The following LARGE1 variants were observed in gnomAD, a reference collection of about 807,000 sequenced individuals.
The protein encoded by LARGE1 is xylosyl- and glucuronyltransferase LARGE1.
A neutral mutation model predicts 87.6 loss-of-function variants in LARGE1; 43 were observed. That is an observed-to-expected ratio of 0.49 (90% CI 0.38 to 0.63). LARGE1 has a LOEUF of 0.63. Among genes scored for constraint, LARGE1 ranks in the 30% least tolerant of loss-of-function variants. The pLI, the probability that LARGE1 is intolerant of heterozygous loss-of-function variation, is 0.00. For synonymous variants in LARGE1, 434 were observed against 394.6 expected (o/e 1.10, Z -1.18); for missense variants, 802 against 1,000.2 (o/e 0.80, Z 2.67).
intron 6 of LARGE1, among the ~76,000 whole-genome samples, chr22:33,476,290 G>A (rs968527672): frequency 2.6e-5 from 4 of 152,272 alleles, no homozygotes; most frequent in Admixed American, 1.3e-4. Flanking sequence ...CCAGACTAAG[G>A]CAAAAGTGAC....
chr22:33,156,107 TG>T, the LARGE1 span, among the ~76,000 whole-genome samples: 1 of 152,198 alleles, frequency 6.6e-6, no homozygotes, highest in South Asian at 2.1e-4. Context: ...GCTGCAGGGG[TG>T]GGGTCCTCAT....
chr22:33,554,722 G>A (rs2077626507), intron 6 of LARGE1, among the ~76,000 whole-genome samples: 1 of 152,146 alleles, frequency 6.6e-6, no homozygotes, highest in Non-Finnish European at 1.5e-5. Context: ...ATCAGCCAAA[G>A]GGATCTTTTC....
At chr22:33,140,415 G>A in the LARGE1 span, among the ~76,000 whole-genome samples, 1 of 152,316 alleles carries the variant, frequency 6.6e-6, no homozygotes, top group South Asian at 2.1e-4. Context: ...TTAATATTGA[G>A]TGTCAACTTG....
At chr22:33,130,192 T>G in the LARGE1 span, among the ~76,000 whole-genome samples, 2 of 151,112 alleles carry the variant, frequency 1.3e-5, no homozygotes, top group South Asian at 4.2e-4. Flanking sequence ...TGGGCGCCTG[T>G]AGTCCCAGCT....
chr22:33,469,735 GGGGAA>G (rs2068752496), intron 6 of LARGE1, among the ~76,000 whole-genome samples: 1 of 151,668 alleles, frequency 6.6e-6, no homozygotes, highest in African/African-American at 2.4e-5. Context: ...GGCTAAGGCA[GGGGAA>G]TTGCTTGAGC....
chr22:33,195,060 G>A (rs1192104996), intron 11 of LARGE1, among the ~76,000 whole-genome samples: 1 of 152,144 alleles, frequency 6.6e-6, no homozygotes, highest in Non-Finnish European at 1.5e-5. Flanking sequence ...TTTAAAATCT[G>A]TGTTCAAGCA....
chr22:33,074,558 C>T, the LARGE1 span, among the ~76,000 whole-genome samples: 1 of 152,094 alleles, frequency 6.6e-6, no homozygotes, highest in Admixed American at 6.5e-5. Flanking sequence ...GCCTGTAGTC[C>T]CAGCTACTCA....
intron 9 of LARGE1, among the ~76,000 whole-genome samples, chr22:33,356,200 A>G (rs74594737): frequency 0.014 from 2,162 of 152,316 alleles, 40 homozygotes; most frequent in African/African-American, 0.047. Context: ...TTTATCAGCT[A>G]TGTGTAAAAA....
chr22:33,226,360 A>C (rs1925732999), intron 11 of LARGE1, among the ~76,000 whole-genome samples: 1 of 152,210 alleles, frequency 6.6e-6, no homozygotes, highest in Admixed American at 6.5e-5. Context: ...CCCAATACAC[A>C]GCAAACACAA....
chr22:33,103,682 C>T, the LARGE1 span, among the ~76,000 whole-genome samples: 1 of 152,100 alleles, frequency 6.6e-6, no homozygotes, highest in Non-Finnish European at 1.5e-5. Context: ...GGACCTCAGT[C>T]CTACAACCTC....
At chr22:33,148,450 G>A in the LARGE1 span, among the ~76,000 whole-genome samples, 2 of 152,106 alleles carry the variant, frequency 1.3e-5, no homozygotes, top group African/African-American at 4.8e-5. Context: ...GCATGAATAT[G>A]CCACAGTTTG....
rs577505761 is a variant in LARGE1, at chr22:33,418,849, T to C, written c.892+13312A>G. The stretch of plus-strand genomic sequence containing the variant: ...GTGCTAGTGGTGATCTTCAGGAACC[T>C]TGGGGCACAGGCAGGTCAACAGGAC... On this transcript the variant is annotated intron_variant, in intron 7 of 14. Coordinates refer to ENST00000397394, the MANE Select transcript of LARGE1 (RefSeq NM_133642.5). Among the ~76,000 whole-genome samples the C allele has an allele frequency of 4.6e-5, 7 of 152,206 alleles. No homozygotes were observed. The South Asian group carries it at 1.0e-3, about 23-fold the overall frequency.
chr22:33,353,289 A>G (rs373112472), intron 9 of LARGE1, among the ~76,000 whole-genome samples: 26 of 152,340 alleles, frequency 1.7e-4, no homozygotes, highest in Middle Eastern at 3.4e-3. Context: ...AAGCTTGACA[A>G]TGTTTCACTG....
intron 6 of LARGE1, among the ~76,000 whole-genome samples, chr22:33,512,937 T>C (rs1377191100): frequency 6.6e-6 from 1 of 152,186 alleles, no homozygotes; most frequent in Non-Finnish European, 1.5e-5. Context: ...AGCAAACACA[T>C]TCACTGTTTT....
intron 6 of LARGE1, among the ~76,000 whole-genome samples, chr22:33,476,058 C>T (rs572627039): frequency 3.7e-4 from 56 of 152,212 alleles, no homozygotes; most frequent in Admixed American, 2.5e-3. Flanking sequence ...ACAAAAGCTA[C>T]GTATCTTCCT....
chr22:33,440,061 C>T lies in LARGE1; in HGVS notation c.788-7796G>A, dbSNP rs532716039. On this transcript the variant is annotated intron_variant, in intron 6 of 14. Transcript: ENST00000397394. ...CCTGATCACTTTTTCCTCAGGGTAG[C>T]CCTGTGCCATTCCATTCTGCCTACC... Among the ~76,000 whole-genome samples the T allele has an allele frequency of 2.6e-5, 4 of 152,278 alleles. No homozygotes were observed. The East Asian group carries it at 7.7e-4, about 29-fold the overall frequency.
intron 1 of LARGE1, among the ~76,000 whole-genome samples, chr22:33,897,593 G>C (rs1284052693): frequency 1.3e-5 from 2 of 152,174 alleles, no homozygotes; most frequent in South Asian, 2.1e-4. Context: ...AAATCAGAGG[G>C]GGAATGCCAA....
the LARGE1 span, among the ~76,000 whole-genome samples, chr22:33,119,469 A>T: frequency 6.6e-6 from 1 of 151,960 alleles, no homozygotes; most frequent in Non-Finnish European, 1.5e-5. Flanking sequence ...TCCCCAAGGT[A>T]TGTTTCTCAG....
intron 3 of LARGE1, among the ~76,000 whole-genome samples, chr22:33,627,427 A>G (rs1040403058): frequency 2.0e-5 from 3 of 152,176 alleles, no homozygotes; most frequent in Non-Finnish European, 2.9e-5. Context: ...CTCCAGTTGC[A>G]TTCTGTCCTG....
Sources: allele counts gnomAD v4.1 joint callset (sites outside exome capture counted in the v4.1 genomes callset), GRCh38; gene constraint gnomAD v4.1.1; transcripts MANE v1.5; gene names NCBI Gene and HGNC (gene_info 2026-07-23, HGNC 2026-07-21).